ZNF362: variants seen among roughly 807,000 people sequenced by gnomAD.
ZNF362 encodes zinc finger protein 362.
A neutral mutation model predicts 42.9 loss-of-function variants in ZNF362; 11 were observed. The ratio of observed to expected loss-of-function variants is 0.26; its 90% CI spans 0.16 to 0.42. The LOEUF is 0.42. Ranked by LOEUF, ZNF362 falls within the 20% of genes least tolerant of loss-of-function variation. The pLI, the probability that ZNF362 is intolerant of heterozygous loss-of-function variation, is 1.00. For synonymous variants in ZNF362, 255 were observed against 257.3 expected, an observed-to-expected ratio of 0.99 and a Z score of 0.09; for missense variants, 362 against 576.2, an observed-to-expected ratio of 0.63 and a Z score of 3.81.
chr1:33,215,523 C>T, the ZNF362 span, among the ~76,000 whole-genome samples: 3 of 151,952 alleles, frequency 2.0e-5, no homozygotes, highest in Admixed American at 6.6e-5. Context: ...TTGGAATGTT[C>T]CTAACACAAA....
At chr1:33,218,665 A>C in the ZNF362 span, among the ~76,000 whole-genome samples, 1 of 152,142 alleles carries the variant, frequency 6.6e-6, no homozygotes, top group Non-Finnish European at 1.5e-5. Context: ...TTCTTTTGTG[A>C]AATGGCCTGT....
the ZNF362 span, among the ~76,000 whole-genome samples, chr1:33,134,101 A>G: frequency 2.6e-4 from 40 of 152,276 alleles, no homozygotes; most frequent in African/African-American, 8.9e-4. Flanking sequence ...CATGCTATCC[A>G]TGTGCTTCCC....
At chr1:33,128,620 C>T in the ZNF362 span, among the ~76,000 whole-genome samples, 2 of 152,140 alleles carry the variant, frequency 1.3e-5, no homozygotes, top group Non-Finnish European at 2.9e-5. Context: ...CTGTTATGAT[C>T]CTAATTGCCT....
At chr1:33,241,785 AG>A in the ZNF362 span, among the ~76,000 whole-genome samples, 1 of 152,186 alleles carries the variant, frequency 6.6e-6, no homozygotes, top group Non-Finnish European at 1.5e-5. Flanking sequence ...TGTGTTGCCA[AG>A]GCTGGTCTCG....
intron 6 of ZNF362, among the ~76,000 whole-genome samples, chr1:33,292,978 G>T (rs1474472804): frequency 6.6e-6 from 1 of 152,208 alleles, no homozygotes; most frequent in Admixed American, 6.5e-5. Flanking sequence ...GCTTCTCTTG[G>T]CACAGCTGTT....
At chr1:33,265,349 A>G (rs930029283) in intron 1 of ZNF362, among the ~76,000 whole-genome samples, 1 of 151,664 alleles carries the variant, frequency 6.6e-6, no homozygotes, top group African/African-American at 2.4e-5. Context: ...AGTGAGGGGA[A>G]GGGGCAGGCT....
the ZNF362 span, among the ~76,000 whole-genome samples, chr1:33,129,881 C>T: frequency 2.4e-4 from 37 of 152,120 alleles, no homozygotes; most frequent in East Asian, 3.9e-4. This position sits in a 1 kb window ranked among gnomAD's most constrained non-coding sequence, Gnocchi z 4.1. Flanking sequence ...TATTTTGAGA[C>T]GGAGTTTTGC....
intron 6 of ZNF362, among the ~76,000 whole-genome samples, chr1:33,293,542 A>G (rs537835267): frequency 6.6e-6 from 1 of 152,290 alleles, no homozygotes; most frequent in Admixed American, 6.5e-5. Context: ...GCTGATGGCA[A>G]ACCCAGTCAG....
the ZNF362 span, among the ~76,000 whole-genome samples, chr1:33,150,786 T>C: frequency 6.6e-6 from 1 of 151,726 alleles, no homozygotes; most frequent in African/African-American, 2.4e-5. Flanking sequence ...AAGAGCTAGA[T>C]TGAGAAGAGG....
At chr1:33,134,133 T>TAG in the ZNF362 span, among the ~76,000 whole-genome samples, 1 of 152,340 alleles carries the variant, frequency 6.6e-6, no homozygotes, top group East Asian at 1.9e-4. Context: ...TCTGAACACT[T>TAG]ACCGTGGGCC....
chr1:33,216,872 T>G, the ZNF362 span, among the ~76,000 whole-genome samples: 2 of 150,888 alleles, frequency 1.3e-5, no homozygotes, highest in Non-Finnish European at 3.0e-5. Context: ...GGAGGGTGGG[T>G]TCACATCACT....
the ZNF362 span, chr1:33,142,349 G>C: frequency 6.6e-6 from 1 of 152,354 alleles, no homozygotes; most frequent in South Asian, 2.1e-4. Context: ...GCTGCCAAGA[G>C]AATGTATCTC....
chr1:33,249,984 A>G, the ZNF362 span, among the ~76,000 whole-genome samples: 4 of 152,348 alleles, frequency 2.6e-5, no homozygotes, highest in South Asian at 2.1e-4. Flanking sequence ...AACCTAATCT[A>G]TTAGCTCAAT....
chr1:33,158,261 A>G, the ZNF362 span: 2 of 1,613,924 alleles, frequency 1.2e-6, no homozygotes, highest in Non-Finnish European at 1.7e-6. Context: ...ACCTGGGTGG[A>G]TGTCCTGGAA....
chr1:33,277,831 C>T (rs1255433037), intron 4 of ZNF362, among the ~76,000 whole-genome samples: 1 of 152,148 alleles, frequency 6.6e-6, no homozygotes, highest in East Asian at 1.9e-4. Flanking sequence ...AGGCGGACAT[C>T]CTGGGATAAT....
At chr1:33,170,570 C>T in the ZNF362 span, among the ~76,000 whole-genome samples, 9 of 152,058 alleles carry the variant, frequency 5.9e-5, no homozygotes, top group South Asian at 4.1e-4. Context: ...GAGTTCACCT[C>T]GAAAGGGTGG....
At chr1:33,276,279 G>A in intron 3 of ZNF362, 69 bp from the exon 4 acceptor site, 1 of 1,554,286 alleles carries the variant, frequency 6.4e-7, no homozygotes, top group South Asian at 1.2e-5. Context: ...CTCGCGGGTG[G>A]ACCAGCGGGC....
At chr1:33,256,172 TGGC>T (rs535478080), upstream of ZNF362, among the ~76,000 whole-genome samples, 50 of 145,494 alleles carry the variant, frequency 3.4e-4, no homozygotes, top group Non-Finnish European at 6.1e-4. Context: ...TGCCAGGCGG[TGGC>T]GGCGGCGGCG....
the ZNF362 span, among the ~76,000 whole-genome samples, chr1:33,169,206 G>C: frequency 6.6e-6 from 1 of 152,114 alleles, no homozygotes; most frequent in Non-Finnish European, 1.5e-5. Context: ...TGCTGCGATC[G>C]TGTTAGGAGA....
Sources: allele counts gnomAD v4.1 joint callset (sites outside exome capture counted in the v4.1 genomes callset), GRCh38; gene constraint gnomAD v4.1.1; non-coding constraint Gnocchi (gnomAD v3.1); transcripts MANE v1.5; gene names NCBI Gene and HGNC (gene_info 2026-07-23, HGNC 2026-07-21).